Variants in EIF2AK2 observed in about 807,000 individuals in gnomAD.
EIF2AK2 encodes the protein interferon-induced, double-stranded RNA-activated protein kinase.
In EIF2AK2, 40 loss-of-function variants were observed where a neutral mutation model predicts 70.5. That is an observed-to-expected ratio of 0.57 (90% CI 0.44 to 0.74). EIF2AK2 has a LOEUF of 0.74. EIF2AK2 is among the 30% of genes least tolerant of loss of function. The pLI is 0.00. For synonymous variants in EIF2AK2, 198 were observed against 220.9 expected, an observed-to-expected ratio of 0.90 and a Z score of 0.92; for missense variants, 555 against 644.3, an observed-to-expected ratio of 0.86 and a Z score of 1.50.
chr2:37,137,078 G>T, intron 8 of EIF2AK2, 61 bp from the exon 9 acceptor site: 1 of 1,453,616 alleles, frequency 6.9e-7, no homozygotes, highest in South Asian at 1.3e-5. Context: ...TTCCTTTCCC[G>T]TTTTCCTTCC....
At position 37,135,360 on chromosome 2, in the gene EIF2AK2, C is replaced by A. The variant is rs1310535812; in HGVS notation, c.785+124G>T. The A allele has an allele frequency of 3.1e-5, 24 of 765,082 alleles. No individual in the cohort carries two copies. The East Asian group carries it at 4.3e-4, about 14-fold the overall frequency. 47.4% of individuals were successfully genotyped at this position (765,082 alleles called of 1,614,324 possible). On this transcript the variant is annotated intron_variant, in intron 10 of 16. Coordinates refer to ENST00000233057, the MANE Select transcript of EIF2AK2 (RefSeq NM_001135651.3). ...TAAGCCTAAGACTATTGTTCTTACC[C>A]TGCGTAGTTAATCTTATTCAAATAT... is the stretch of plus-strand genomic sequence containing the variant.
intron 4 of EIF2AK2, among the ~76,000 whole-genome samples, chr2:37,144,768 G>A (rs1423931726): frequency 6.6e-6 from 1 of 152,166 alleles, no homozygotes; most frequent in East Asian, 1.9e-4. Flanking sequence ...TTTTAGTACA[G>A]ACAGGGTTTC....
intron 10 of EIF2AK2, among the ~76,000 whole-genome samples, chr2:37,129,614 C>G (rs1674870954): frequency 6.6e-6 from 1 of 152,138 alleles, no homozygotes; most frequent in Admixed American, 6.5e-5. Flanking sequence ...GGCAAGTCTA[C>G]TGGCATTAAC....
Position 37,105,483 on chromosome 2 carries a change from C to A in EIF2AK2, c.*1790G>T, listed in dbSNP as rs1673933697. The A allele has an allele frequency of 6.6e-6, 1 of 152,302 alleles. No individual in the cohort carries two copies. The highest frequency in any genetic ancestry group is 2.1e-4 in the South Asian group (1 of 4,838). The allele number at this position is 152,302 out of a possible 1,614,324, so 9.4% of individuals were successfully genotyped here. On this transcript the variant is annotated 3_prime_UTR_variant, in exon 17 of 17. Coordinates refer to ENST00000233057, the MANE Select transcript of EIF2AK2 (RefSeq NM_001135651.3). Reference sequence around the variant, plus strand: ...TCTTGCCATATGATCTCTGCACATCCGGCTCCCCTTCACCTTCCACCATGA... The same window carrying A: ...TCTTGCCATATGATCTCTGCACATCAGGCTCCCCTTCACCTTCCACCATGA...
Position 37,107,146 on chromosome 2 carries a change from T to C in EIF2AK2, c.*127A>G. Reference sequence around the variant, plus strand: ...CTTTCTGTTTCTGCAGAAAGATTAGTAAAAATAGTAAAAAATTAAAGGAAA... The same window carrying C: ...CTTTCTGTTTCTGCAGAAAGATTAGCAAAAATAGTAAAAAATTAAAGGAAA... On this transcript the variant is annotated 3_prime_UTR_variant, in exon 17 of 17. Transcript: ENST00000233057. 3 of 1,198,588 alleles carry C rather than the reference T, an allele frequency of 2.5e-6. No homozygotes were observed. Among genetic ancestry groups the C allele is most frequent in the Non-Finnish European group, 3.3e-6 (3 of 908,730 alleles). The allele number at this position is 1,198,588 out of a possible 1,614,324, so 74.2% of individuals were successfully genotyped here. A position where few individuals can be genotyped will look rare whatever the true frequency, so the allele number is the denominator to read the frequency against.
At chr2:37,141,261 C>T (rs4648177) in intron 5 of EIF2AK2, among the ~76,000 whole-genome samples, 2,684 of 152,294 alleles carry the variant, frequency 0.018, 26 homozygotes, top group Non-Finnish European at 0.027. Context: ...CTGTATTCTT[C>T]GAGCAGTGGC....
At chr2:37,111,504 T>C (rs1052650906) in intron 14 of EIF2AK2, among the ~76,000 whole-genome samples, 1 of 151,298 alleles carries the variant, frequency 6.6e-6, no homozygotes, top group Non-Finnish European at 1.5e-5. Context: ...GGTTCAAGCA[T>C]GGAATCTCAT....
At chr2:37,107,438 A>G in intron 16 of EIF2AK2, 36 bp downstream of exon 16, 1 of 1,609,848 alleles carries the variant, frequency 6.2e-7, no homozygotes, top group South Asian at 1.1e-5. Context: ...TAAAACATTG[A>G]AATAAATAAA....
intron 11 of EIF2AK2, 117 bp from the exon 12 acceptor site, chr2:37,122,781 TC>T: frequency 7.5e-7 from 1 of 1,333,552 alleles, no homozygotes; most frequent in Non-Finnish European, 1.0e-6. Context: ...TTGCTGTGGT[TC>T]TCACATAGTT....
rs1279961320 is a variant in EIF2AK2, at chr2:37,103,384, T to G, written c.*3889A>C. Reference sequence around the variant, plus strand: ...CTAATTTTTGTATTTTTAGTAGAGATGGGGTTTCACCATGTTGGCCAGGCT... The same window carrying G: ...CTAATTTTTGTATTTTTAGTAGAGAGGGGGTTTCACCATGTTGGCCAGGCT... On this transcript the variant is annotated 3_prime_UTR_variant, in exon 17 of 17. Coordinates refer to ENST00000233057, the MANE Select transcript of EIF2AK2 (RefSeq NM_001135651.3). The G allele has an allele frequency of 6.6e-6, 1 of 151,964 alleles. No individual in the cohort carries two copies. The highest frequency in any genetic ancestry group is 1.5e-5 in the Non-Finnish European group (1 of 68,032). 9.4% of individuals were successfully genotyped at this position (151,964 alleles called of 1,614,324 possible). A position where few individuals can be genotyped will look rare whatever the true frequency, so the allele number is the denominator to read the frequency against.
chr2:37,109,152 A>G, intron 15 of EIF2AK2, 42 bp downstream of exon 15: 1 of 1,583,338 alleles, frequency 6.3e-7, no homozygotes, highest in East Asian at 2.2e-5. Flanking sequence ...GGTGGTAGTC[A>G]GTAATTTTTC....
intron 14 of EIF2AK2, among the ~76,000 whole-genome samples, 176 bp downstream of exon 14, chr2:37,114,555 A>G (rs1456383950): frequency 3.9e-5 from 6 of 152,198 alleles, no homozygotes; most frequent in Non-Finnish European, 7.3e-5. Context: ...AACTCAGAAA[A>G]TTATCTAAAA....
chr2:37,148,677 C>A, intron 2 of EIF2AK2, 180 bp downstream of exon 2: 1 of 818,860 alleles, frequency 1.2e-6, no homozygotes, highest in East Asian at 2.5e-5. Flanking sequence ...AGGACACTTT[C>A]TAGGAACAAT....
intron 3 of EIF2AK2, 132 bp downstream of exon 3, chr2:37,147,556 T>C (rs527716268): frequency 2.3e-5 from 10 of 425,850 alleles, no homozygotes; most frequent in South Asian, 2.1e-4. Context: ...AGTGAGAACA[T>C]GCGGTGTTTG....
chr2:37,148,068 G>A (rs1014076011), intron 2 of EIF2AK2, among the ~76,000 whole-genome samples: 2 of 152,094 alleles, frequency 1.3e-5, no homozygotes, highest in African/African-American at 2.4e-5. Flanking sequence ...GGTGGCTCAC[G>A]CCTATAATCC....
chr2:37,112,605 A>G (rs549343333), intron 14 of EIF2AK2, among the ~76,000 whole-genome samples: 22 of 152,334 alleles, frequency 1.4e-4, no homozygotes, highest in African/African-American at 4.8e-4. Context: ...TTCAAATACT[A>G]AAGCCTAGTT....
intron 11 of EIF2AK2, among the ~76,000 whole-genome samples, chr2:37,125,034 G>A (rs1051020145): frequency 6.6e-6 from 1 of 151,170 alleles, no homozygotes; most frequent in Non-Finnish European, 1.5e-5. Context: ...TTTTTTGAGA[G>A]GGAGTTTCGC....
At chr2:37,126,929 C>G (rs138465745) in intron 10 of EIF2AK2, among the ~76,000 whole-genome samples, 1 of 132,952 alleles carries the variant, frequency 7.5e-6, no homozygotes, top group African/African-American at 2.8e-5. Context: ...TGCACTCCAG[C>G]CTGGGCGACA....
chr2:37,122,942 C>T (rs749762294), intron 11 of EIF2AK2, among the ~76,000 whole-genome samples: 12 of 151,972 alleles, frequency 7.9e-5, no homozygotes, highest in Non-Finnish European at 1.2e-4. Flanking sequence ...CGAAGGTGGG[C>T]GGATCACGAG....
Sources: allele counts gnomAD v4.1 joint callset (sites outside exome capture counted in the v4.1 genomes callset), GRCh38; gene constraint gnomAD v4.1.1; transcripts MANE v1.5; gene names NCBI Gene and HGNC (gene_info 2026-07-23, HGNC 2026-07-21).